Variants in ANKRD17 observed in about 807,000 individuals in gnomAD.
The protein encoded by ANKRD17 is ankyrin repeat domain-containing protein 17.
A neutral mutation model predicts 229.7 loss-of-function variants in ANKRD17; 19 were observed. The ratio of observed to expected loss-of-function variants is 0.08; its 90% CI spans 0.06 to 0.12. The LOEUF (loss-of-function observed/expected upper bound fraction) is 0.12, where lower values mean the gene tolerates loss of function less well. ANKRD17 is among the 10% of genes least tolerant of loss of function. The probability of loss-of-function intolerance (pLI) is 1.00; values close to 1 mark genes in which losing one functional copy is unlikely to be tolerated. For synonymous variants in ANKRD17, 1,112 were observed against 1,146.1 expected (o/e 0.97, Z 0.60); for missense variants, 2,176 against 3,176.8 (o/e 0.68, Z 7.57).
In ANKRD17 at chr4:73,079,611, T is replaced by C. The variant is rs570873120; in HGVS notation, c.7160-721A>G. On this transcript the variant is annotated intron_variant, in intron 30 of 33. Transcript: ENST00000358602. ...ACTGAAGTTTATAGAACATTATATA[T>C]ACTGATAAAATACCAATAAGAGGAT... Among the ~76,000 whole-genome samples, 11 of 152,242 alleles carry C rather than the reference T, an allele frequency of 7.2e-5. No homozygotes were observed. The South Asian group carries it at 2.3e-3, about 32-fold the overall frequency.
intron 1 of ANKRD17, among the ~76,000 whole-genome samples, chr4:73,255,181 C>T (rs1486659294): frequency 2.6e-5 from 4 of 152,202 alleles, no homozygotes; most frequent in Non-Finnish European, 1.5e-5. Context: ...ATCCTATTCT[C>T]AATAACCTAC....
At chr4:73,100,072 A>T (rs1164800018) in intron 25 of ANKRD17, among the ~76,000 whole-genome samples, 2 of 151,848 alleles carry the variant, frequency 1.3e-5, no homozygotes, top group Non-Finnish European at 2.9e-5. Flanking sequence ...TTCTGGTTCC[A>T]TTTTTCCTCT....
intron 25 of ANKRD17, chr4:73,100,827 A>T (rs931139130): frequency 1.0e-6 from 1 of 984,578 alleles, no homozygotes. Flanking sequence ...AATTAAAAAC[A>T]AAACAAAACA....
intron 24 of ANKRD17, among the ~76,000 whole-genome samples, chr4:73,107,838 G>A (rs972500202): frequency 6.6e-6 from 1 of 152,104 alleles, no homozygotes; most frequent in African/African-American, 2.4e-5. Flanking sequence ...GTCATTGTCG[G>A]GCTCTGAACA....
intron 1 of ANKRD17, among the ~76,000 whole-genome samples, chr4:73,250,223 T>G (rs1366210207): frequency 1.3e-5 from 2 of 152,194 alleles, no homozygotes; most frequent in African/African-American, 4.8e-5. Flanking sequence ...ATTTTTCAAT[T>G]TATTCCCAAT....
At chr4:73,086,688 A>G (rs895590229) in intron 29 of ANKRD17, among the ~76,000 whole-genome samples, 3 of 151,188 alleles carry the variant, frequency 2.0e-5, no homozygotes, top group Admixed American at 6.6e-5. Flanking sequence ...TCTTGGGCTC[A>G]AGCAACCCTC....
rs1182873726 is a variant in ANKRD17 at position 73,078,717 on chromosome 4, C to T, written c.7333G>A (p.Val2445Ile). The change falls in exon 31 of 34, where the codon GTT (valine) becomes ATT (isoleucine). Residue 2445 changes from valine to isoleucine, a missense_variant. Around this residue, in one of 18 missense-constraint regions of ANKRD17, gnomAD observed 159 missense variants for 214.3 expected, o/e 0.74. Coordinates refer to ENST00000358602, the MANE Select transcript of ANKRD17 (RefSeq NM_032217.5). ...GATGTAGACAAATTGCTCCCAATAA[C>T]AGATGGAGCTGACGTTCCAGTTTGC... ...IRQTGTSAPS[V>I]IGSNLSTSVG... 6.2e-7 allele frequency: 1 copy of T among 1,614,162 alleles called. No individual in the cohort carries two copies. Among genetic ancestry groups the T allele is most frequent in the East Asian group, 2.2e-5 (1 of 44,884 alleles).
intron 1 of ANKRD17, among the ~76,000 whole-genome samples, chr4:73,219,825 T>C (rs2149202519): frequency 6.6e-6 from 1 of 152,286 alleles, no homozygotes; most frequent in South Asian, 2.1e-4. Context: ...TCATAAAATT[T>C]CCTACTTTCT....
At chr4:73,124,287 T>TTAAAAAAAAAAAAA (rs1727141804) in intron 18 of ANKRD17, among the ~76,000 whole-genome samples, 1 of 24,296 alleles carries the variant, frequency 4.1e-5, no homozygotes, top group African/African-American at 2.7e-4. Context: ...GGACTGAATT[T>TTAAAAAAAAAAAAA]GAAAAAAAAA....
At chr4:73,155,321 T>G (rs1053868181) in intron 5 of ANKRD17, among the ~76,000 whole-genome samples, 3 of 152,166 alleles carry the variant, frequency 2.0e-5, no homozygotes, top group African/African-American at 7.2e-5. Context: ...CCTAAAAAAC[T>G]GGAAACATGG....
chr4:73,154,719 C>T (rs1054661840), intron 5 of ANKRD17, among the ~76,000 whole-genome samples: 21 of 152,026 alleles, frequency 1.4e-4, no homozygotes, highest in Non-Finnish European at 2.9e-5. Flanking sequence ...TCTAAAAATC[C>T]CTTCAAATCA....
At chr4:73,094,591 A>G (rs1475443110) in intron 27 of ANKRD17, among the ~76,000 whole-genome samples, 1 of 151,996 alleles carries the variant, frequency 6.6e-6, no homozygotes, top group African/African-American at 2.4e-5. Context: ...CTACACGCTA[A>G]TTATGAAAAC....
rs757973692 is a variant in ANKRD17 at position 73,146,886 on chromosome 4, A to G, written c.1760-13T>C. The G allele has an allele frequency of 1.1e-5, 17 of 1,584,482 alleles. No homozygotes were observed. In the African/African-American group the frequency reaches 2.2e-4, roughly 20 times the overall value. ...TGAACGTTAGCTCCTGTAGTAGTCA[A>G]CAAATAATACATAGACTTAATAAAG... On this transcript the variant is annotated splice_polypyrimidine_tract_variant and intron_variant, in intron 9 of 33. Coordinates refer to ENST00000358602, the MANE Select transcript of ANKRD17 (RefSeq NM_032217.5).
intron 1 of ANKRD17, among the ~76,000 whole-genome samples, chr4:73,189,403 G>GTT (rs763345325): frequency 0.34 from 38,308 of 112,504 alleles, 9,990 homozygotes; most frequent in African/African-American, 0.65. Context: ...TGCCTGGAAT[G>GTT]TTTTTTTTTT....
At chr4:73,258,201 C>CA in intron 1 of ANKRD17, 75 bp downstream of exon 1, 1 of 1,601,190 alleles carries the variant, frequency 6.2e-7, no homozygotes, top group South Asian at 1.1e-5. Context: ...TGTCCCACTC[C>CA]AAATCCCCTC....
intron 1 of ANKRD17, among the ~76,000 whole-genome samples, chr4:73,216,917 G>A (rs1213053521): frequency 6.6e-6 from 1 of 152,170 alleles, no homozygotes; most frequent in Non-Finnish European, 1.5e-5. Context: ...AAAGCCATTG[G>A]TTTGGCAAAT....
intron 1 of ANKRD17, among the ~76,000 whole-genome samples, chr4:73,192,423 C>T (rs1013899892): frequency 5.9e-5 from 9 of 151,914 alleles, no homozygotes; most frequent in African/African-American, 2.2e-4. Flanking sequence ...AAAGCATATA[C>T]ACATGTGCAA....
chr4:73,211,613 G>A (rs1281237155), intron 1 of ANKRD17, among the ~76,000 whole-genome samples: 2 of 152,074 alleles, frequency 1.3e-5, no homozygotes, highest in East Asian at 3.9e-4. Flanking sequence ...TTGGGAGGCC[G>A]AGGCAGGTGG....
intron 2 of ANKRD17, among the ~76,000 whole-genome samples, chr4:73,162,843 CTTT>C (rs949991509): frequency 6.6e-6 from 1 of 151,718 alleles, no homozygotes; most frequent in Non-Finnish European, 1.5e-5. Context: ...ACTTGTGGTG[CTTT>C]TTTGTTTTGT....
Sources: allele counts gnomAD v4.1 joint callset (sites outside exome capture counted in the v4.1 genomes callset), GRCh38; gene constraint gnomAD v4.1.1; regional missense constraint gnomAD v4.1.1; transcripts MANE v1.5; gene names NCBI Gene and HGNC (gene_info 2026-07-23, HGNC 2026-07-21).